Variants in DCUN1D2 observed in about 807,000 individuals in gnomAD.
The protein encoded by DCUN1D2 is DCN1-like protein 2.
In DCUN1D2, 29 loss-of-function variants were observed where a neutral mutation model predicts 30.9. The ratio of observed to expected loss-of-function variants is 0.94; its 90% CI spans 0.70 to 1.28. DCUN1D2 has a LOEUF of 1.28. DCUN1D2 is among the 50% of genes most tolerant of loss of function. The probability of loss-of-function intolerance (pLI) is 0.00; values close to 1 mark genes in which losing one functional copy is unlikely to be tolerated. For missense variants in DCUN1D2, 325 were observed against 316.9 expected, an observed-to-expected ratio of 1.03 and a Z score of -0.19; for synonymous variants, 121 against 115.3, an observed-to-expected ratio of 1.05 and a Z score of -0.32.
chr13:113,474,521 C>G (rs1184199250), intron 3 of DCUN1D2, among the ~76,000 whole-genome samples: 1 of 152,216 alleles, frequency 6.6e-6, no homozygotes, highest in African/African-American at 2.4e-5. Flanking sequence ...ACTAAAACCA[C>G]TGAGTTGTAG....
In DCUN1D2 at chr13:113,490,507, G is replaced by A. The variant is rs554546329; in HGVS notation, c.3+160C>T. On this transcript the variant is annotated intron_variant, in intron 1 of 6. Coordinates refer to ENST00000478244, the MANE Select transcript of DCUN1D2 (RefSeq NM_001014283.2). The surrounding 1 kb of genome is among the most constrained non-coding windows in gnomAD (Gnocchi z 5.2). ...CCGCGCCTCCGACGCCACCGCTCCG[G>A]CTCGCGGGCCCGCGGCGCGTTCCTC... The A allele has an allele frequency of 5.8e-4, 454 of 786,134 alleles. No individual in the cohort carries two copies. The highest frequency in any genetic ancestry group is 7.2e-4 in the Non-Finnish European group (419 of 583,548). 48.7% of individuals were successfully genotyped at this position (786,134 alleles called of 1,614,324 possible).
At chr13:113,460,354 C>T (rs958868672) in intron 5 of DCUN1D2, among the ~76,000 whole-genome samples, 1 of 152,202 alleles carries the variant, frequency 6.6e-6, no homozygotes, top group Non-Finnish European at 1.5e-5. Flanking sequence ...CTGGCCCGGC[C>T]GTGGGTTGGG....
At chr13:113,471,956 G>C (rs2044523820) in intron 4 of DCUN1D2, among the ~76,000 whole-genome samples, 2 of 152,194 alleles carry the variant, frequency 1.3e-5, no homozygotes, top group African/African-American at 4.8e-5. Flanking sequence ...CGACAGGGGA[G>C]GCCTGGCTGT....
chr13:113,474,218 T>C lies in DCUN1D2; in HGVS notation c.426A>G (p.Pro142=). 1.2e-6 allele frequency: 2 copies of C among 1,614,152 alleles called. No individual in the cohort carries two copies. Among genetic ancestry groups the C allele is most frequent in the Non-Finnish European group, 1.7e-6 (2 of 1,179,978 alleles). ...DSMEKLKALL[P]RLEQELKDTA... ...TGTCCTTCAGCTCCTGCTCCAGTCT[T>C]GGCAGAAGAGCCTTTAGCTTCTCCA... Residue 142 remains proline (P), a synonymous_variant, in exon 4 of 7, where the codon CCA becomes CCG. Transcript: ENST00000478244.
intron 4 of DCUN1D2, among the ~76,000 whole-genome samples, chr13:113,466,022 ACT>A (rs2044397565): frequency 6.6e-6 from 1 of 152,114 alleles, no homozygotes; most frequent in Non-Finnish European, 1.5e-5. Flanking sequence ...AGTAGCTGGG[ACT>A]ACAGGTGTGT....
intron 2 of DCUN1D2, among the ~76,000 whole-genome samples, chr13:113,481,705 G>A (rs1290185214): frequency 6.6e-6 from 1 of 151,908 alleles, no homozygotes; most frequent in African/African-American, 2.4e-5. Context: ...CCAACATGGC[G>A]AAACCCCGTC....
At position 113,481,650 on chromosome 13, in the gene DCUN1D2, G is replaced by A. The variant is rs188741753; in HGVS notation, c.221-907C>T. On this transcript the variant is annotated intron_variant, in intron 2 of 6. Coordinates refer to ENST00000478244, the MANE Select transcript of DCUN1D2 (RefSeq NM_001014283.2). Reference sequence around the variant, plus strand: ...TATAATCCCAGCACTTTGGGAGGCCGAGGCGGGTGGATCACCTGAGCTCAG... The same window carrying A: ...TATAATCCCAGCACTTTGGGAGGCCAAGGCGGGTGGATCACCTGAGCTCAG... Among the ~76,000 whole-genome samples the A allele has an allele frequency of 2.0e-4, 30 of 152,286 alleles. 1 individual carries two copies. Among genetic ancestry groups the A allele is most frequent in the Admixed American group, 4.6e-4 (7 of 15,300 alleles).
In DCUN1D2 at chr13:113,490,696, G is replaced by A. The variant is rs933388429; in HGVS notation, c.-27C>T. The A allele has an allele frequency of 1.4e-5, 17 of 1,220,236 alleles. No homozygotes were observed. The highest frequency in any genetic ancestry group is 1.5e-5 in the Non-Finnish European group (15 of 979,414). 75.6% of individuals were successfully genotyped at this position (1,220,236 alleles called of 1,614,324 possible). ...TCCCCCGCGCCGCCCGCTTCTGGCC[G>A]GCCCCGGCCTTCTGCGCAGGCGCGG... On this transcript the variant is annotated 5_prime_UTR_variant, in exon 1 of 7. Transcript: ENST00000478244. This position sits in a 1 kb window ranked among gnomAD's most constrained non-coding sequence, Gnocchi z 5.2.
intron 1 of DCUN1D2, among the ~76,000 whole-genome samples, chr13:113,487,981 G>A (rs1464840837): frequency 6.6e-6 from 1 of 152,176 alleles, no homozygotes; most frequent in African/African-American, 2.4e-5. Context: ...CACCAGGAAT[G>A]TGCAAATCTG....
At chr13:113,487,574 G>A (rs960708628) in intron 1 of DCUN1D2, among the ~76,000 whole-genome samples, 1 of 152,166 alleles carries the variant, frequency 6.6e-6, no homozygotes, top group Admixed American at 6.5e-5. Context: ...GCCGCACAGT[G>A]CATGAGTCCA....
In DCUN1D2 at chr13:113,490,109, C is replaced by T. The variant is rs1029011023; in HGVS notation, c.3+558G>A. On this transcript the variant is annotated intron_variant, in intron 1 of 6. Coordinates refer to ENST00000478244, the MANE Select transcript of DCUN1D2 (RefSeq NM_001014283.2). This position sits in a 1 kb window ranked among gnomAD's most constrained non-coding sequence, Gnocchi z 5.2. ...AGCCTCCCTCCTGCGCTGCGGAACT[C>T]TACCAGCTCCACAGATGCACACCTA... Among the ~76,000 whole-genome samples the T allele has an allele frequency of 9.2e-5, 14 of 152,214 alleles. No individual in the cohort carries two copies. The South Asian group carries it at 1.0e-3, about 11-fold the overall frequency.
intron 1 of DCUN1D2, among the ~76,000 whole-genome samples, chr13:113,484,608 T>C (rs1275557938): frequency 6.6e-6 from 1 of 152,170 alleles, no homozygotes; most frequent in Non-Finnish European, 1.5e-5. Context: ...AAACCTGTTA[T>C]GATTAAATGG....
intron 4 of DCUN1D2, among the ~76,000 whole-genome samples, chr13:113,462,529 T>C (rs1336426391): frequency 6.6e-6 from 1 of 152,190 alleles, no homozygotes; most frequent in Non-Finnish European, 1.5e-5. Flanking sequence ...TGTAGCAAGA[T>C]TTCCAGGGTC....
At position 113,470,406 on chromosome 13, in the gene DCUN1D2, G is replaced by A. The variant is rs569984577; in HGVS notation, c.520+3718C>T. ...TGACACATGATGGGTAACAACTTCA[G>A]AAGAGGAAATGGTGAAAAAGGAAGA... On this transcript the variant is annotated intron_variant, in intron 4 of 6. Transcript: ENST00000478244. Among the ~76,000 whole-genome samples the A allele has an allele frequency of 5.3e-5, 8 of 152,294 alleles. No individual in the cohort carries two copies. In the South Asian group the frequency reaches 1.7e-3, roughly 32 times the overall value.
rs2044220656 is a variant in DCUN1D2, at chr13:113,456,048, A to G, written c.*1981T>C. 2.5e-6 allele frequency: 1 copy of G among 397,032 alleles called. No homozygotes were observed. Among genetic ancestry groups the G allele is most frequent in the African/African-American group, 2.1e-5 (1 of 48,646 alleles). 24.6% of individuals were successfully genotyped at this position (397,032 alleles called of 1,614,324 possible). A position where few individuals can be genotyped will look rare whatever the true frequency, so the allele number is the denominator to read the frequency against. On this transcript the variant is annotated 3_prime_UTR_variant, in exon 7 of 7. Coordinates refer to ENST00000478244, the MANE Select transcript of DCUN1D2 (RefSeq NM_001014283.2). Reference sequence around the variant, plus strand: ...TATGTGAATTCTATAAACTTTTCTGAACAAAACAATTACATGTCAAGAATC... The same window carrying G: ...TATGTGAATTCTATAAACTTTTCTGGACAAAACAATTACATGTCAAGAATC...
intron 1 of DCUN1D2, among the ~76,000 whole-genome samples, chr13:113,485,362 G>C (rs2044783399): frequency 6.6e-6 from 1 of 152,164 alleles, no homozygotes; most frequent in African/African-American, 2.4e-5. Flanking sequence ...ACAAGGTGTG[G>C]ATAAGGAAGG....
chr13:113,462,602 C>A (rs569984840), intron 4 of DCUN1D2: 4 of 228,986 alleles, frequency 1.7e-5, no homozygotes, highest in African/African-American at 9.3e-5. Context: ...TTAAATAAAA[C>A]GCCTCTAAAT....
At chr13:113,459,979 G>A (rs577352412) in intron 5 of DCUN1D2, among the ~76,000 whole-genome samples, 1 of 152,326 alleles carries the variant, frequency 6.6e-6, no homozygotes, top group East Asian at 1.9e-4. Flanking sequence ...GACACTGTGA[G>A]CGCCTTCATC....
chr13:113,485,468 T>C (rs1408190567), intron 1 of DCUN1D2, among the ~76,000 whole-genome samples: 1 of 152,114 alleles, frequency 6.6e-6, no homozygotes, highest in Non-Finnish European at 1.5e-5. Context: ...CACGATTAGT[T>C]AGGAAAATCC....
Sources: gnomAD v4.1 joint callset for allele counts (sites outside exome capture counted in the v4.1 genomes callset) on GRCh38, gnomAD v4.1.1 for gene constraint, Gnocchi (gnomAD v3.1) non-coding constraint, MANE v1.5 for transcripts, NCBI Gene and HGNC (gene_info 2026-07-23, HGNC 2026-07-21) for gene names.